Variants in CSMD3 observed in about 807,000 individuals in gnomAD.
CSMD3 encodes CUB and Sushi multiple domains 3.
Under a neutral mutation model 435.2 loss-of-function variants are expected in CSMD3, and 177 were observed. The ratio of observed to expected loss-of-function variants is 0.41; its 90% CI spans 0.36 to 0.46. CSMD3 has a LOEUF of 0.46. Among genes scored for constraint, CSMD3 ranks in the 20% least tolerant of loss-of-function variants. CSMD3 has a pLI of 0.34. For synonymous variants in CSMD3, 1,656 were observed against 1,520.5 expected, an observed-to-expected ratio of 1.09 and a Z score of -2.07; for missense variants, 4,265 against 4,504.6, an observed-to-expected ratio of 0.95 and a Z score of 1.52.
intron 13 of CSMD3, among the ~76,000 whole-genome samples, chr8:112,751,810 T>C (rs73340173): frequency 0.017 from 2,643 of 152,096 alleles, 75 homozygotes; most frequent in African/African-American, 0.06. Flanking sequence ...TATTTCTTTT[T>C]ATTATTATTA....
chr8:112,511,060 T>C (rs918570805), intron 28 of CSMD3, among the ~76,000 whole-genome samples: 8 of 152,132 alleles, frequency 5.3e-5, no homozygotes, highest in Non-Finnish European at 1.2e-4. Flanking sequence ...GTTAGGGATA[T>C]TGCAGTTTCA....
chr8:112,924,224 G>A (rs145016473), intron 9 of CSMD3, among the ~76,000 whole-genome samples: 1 of 152,150 alleles, frequency 6.6e-6, no homozygotes, highest in Non-Finnish European at 1.5e-5. Flanking sequence ...CAATTTAAGC[G>A]GCCAAAGATA....
chr8:112,233,182 A>C (rs1813256810), intron 68 of CSMD3, among the ~76,000 whole-genome samples: 1 of 152,188 alleles, frequency 6.6e-6, no homozygotes, highest in Non-Finnish European at 1.5e-5. Context: ...ATATATCCTG[A>C]AGTTTGTGTT....
chr8:112,445,310 G>A (rs558046635), intron 32 of CSMD3, among the ~76,000 whole-genome samples: 12 of 152,166 alleles, frequency 7.9e-5, no homozygotes, highest in African/African-American at 1.7e-4. Flanking sequence ...CTCCATTTTT[G>A]TTGCTATGAA....
intron 31 of CSMD3, among the ~76,000 whole-genome samples, chr8:112,490,402 C>T (rs758767612): frequency 1.3e-5 from 2 of 151,962 alleles, no homozygotes; most frequent in East Asian, 1.9e-4. Flanking sequence ...ATGGTTTTGG[C>T]TCAAAAGGAT....
At chr8:112,751,628 G>GGTTTT (rs1375084816) in intron 13 of CSMD3, among the ~76,000 whole-genome samples, 1 of 133,664 alleles carries the variant, frequency 7.5e-6, no homozygotes. Context: ...AGAAGTTTAG[G>GGTTTT]TTTTTTTTTT....
intron 30 of CSMD3, among the ~76,000 whole-genome samples, chr8:112,501,595 A>G (rs914330362): frequency 6.6e-6 from 1 of 152,188 alleles, no homozygotes; most frequent in Non-Finnish European, 1.5e-5. Context: ...TTGAGTTTAC[A>G]TTGGTACAGC....
rs1484906691 is a variant in CSMD3, at chr8:112,979,936, C to CAT, written c.1031-3790_1031-3789dup. Among the ~76,000 whole-genome samples, 11 of 151,020 alleles carry CAT rather than the reference C, an allele frequency of 7.3e-5. No individual in the cohort carries two copies. The East Asian group carries it at 2.1e-3, about 29-fold the overall frequency. On this transcript the variant is annotated intron_variant, in intron 6 of 70. Coordinates refer to ENST00000297405, the MANE Select transcript of CSMD3 (RefSeq NM_198123.2). ...ACAAAAATGAAATAAAAATGATTTA[C>CAT]ATATATAAACATGCTTCACTAAGTC...
Position 113,020,169 on chromosome 8 carries a change from C to CAA in CSMD3, c.918-992_918-991dup, listed in dbSNP as rs1163891165. ...TGGGCGACAGAGCGAGACTCCGTCTCAAAAAAAAAAAAAAAAAAAAAAGAA... is the reference window on the plus strand; with the variant it reads ...TGGGCGACAGAGCGAGACTCCGTCTCAAAAAAAAAAAAAAAAAAAAAAAAGAA... On this transcript the variant is annotated intron_variant, in intron 5 of 70. Coordinates refer to ENST00000297405, the MANE Select transcript of CSMD3 (RefSeq NM_198123.2). Among the ~76,000 whole-genome samples the CAA allele has an allele frequency of 5.7e-3, 476 of 84,218 alleles. 3 individuals carry two copies. The highest frequency in any genetic ancestry group is 0.014 in the African/African-American group (314 of 22,232). The allele number at this position is 84,218 out of a possible 152,430, so 55.3% of individuals were successfully genotyped here.
chr8:112,812,206 T>C (rs2079246712), intron 12 of CSMD3, among the ~76,000 whole-genome samples: 1 of 152,080 alleles, frequency 6.6e-6, no homozygotes, highest in Non-Finnish European at 1.5e-5. Flanking sequence ...TGATAAGATC[T>C]CAGGAGTTGG....
chr8:112,424,100 T>C (rs1812805302), intron 32 of CSMD3, among the ~76,000 whole-genome samples: 2 of 152,262 alleles, frequency 1.3e-5, no homozygotes, highest in South Asian at 4.1e-4. Context: ...GGAAAATGGT[T>C]GAAAATTAAT....
chr8:112,474,842 T>C (rs900225702), intron 31 of CSMD3, among the ~76,000 whole-genome samples: 3 of 152,210 alleles, frequency 2.0e-5, no homozygotes, highest in African/African-American at 4.8e-5. Context: ...TTTTCTTTAA[T>C]GTTCTATAAA....
At chr8:112,478,438 A>T (rs1404680754) in intron 31 of CSMD3, among the ~76,000 whole-genome samples, 2 of 152,198 alleles carry the variant, frequency 1.3e-5, no homozygotes, top group African/African-American at 4.8e-5. Context: ...AAGGTCTCCG[A>T]TGGAAATGAG....
intron 5 of CSMD3, among the ~76,000 whole-genome samples, chr8:113,058,644 G>A (rs1440613527): frequency 1.3e-5 from 2 of 151,542 alleles, no homozygotes; most frequent in Non-Finnish European, 3.0e-5. Context: ...GTAACATGGG[G>A]GTACTTATAT....
At chr8:112,400,847 T>A (rs1283725305) in intron 35 of CSMD3, among the ~76,000 whole-genome samples, 1 of 152,164 alleles carries the variant, frequency 6.6e-6, no homozygotes, top group East Asian at 1.9e-4. Context: ...ACAAAAACAC[T>A]TTGCAATAAT....
chr8:112,353,715 CTACCAAG>C (rs1306605916), intron 38 of CSMD3, among the ~76,000 whole-genome samples: 3 of 151,864 alleles, frequency 2.0e-5, no homozygotes, highest in African/African-American at 7.3e-5. Flanking sequence ...AGAAAAAAAC[CTACCAAG>C]AATAAAAACA....
intron 30 of CSMD3, among the ~76,000 whole-genome samples, chr8:112,498,481 A>G (rs1821599470): frequency 6.6e-6 from 1 of 152,132 alleles, no homozygotes; most frequent in Non-Finnish European, 1.5e-5. Flanking sequence ...TTGCTTAACT[A>G]CTAGGCTTTA....
At chr8:113,313,963 A>G (rs1011352889) in intron 2 of CSMD3, 8 of 152,158 alleles carry the variant, frequency 5.3e-5, no homozygotes, top group African/African-American at 1.9e-4. Flanking sequence ...CTGAAGAACC[A>G]GAAGAACTAC....
intron 45 of CSMD3, among the ~76,000 whole-genome samples, chr8:112,324,709 T>C (rs1823331479): frequency 6.6e-6 from 1 of 152,030 alleles, no homozygotes; most frequent in Non-Finnish European, 1.5e-5. Context: ...CAGGATTTCA[T>C]TTATTTTAAG....
Sources: allele counts gnomAD v4.1 joint callset (sites outside exome capture counted in the v4.1 genomes callset), GRCh38; gene constraint gnomAD v4.1.1; transcripts MANE v1.5; gene names NCBI Gene and HGNC (gene_info 2026-07-23, HGNC 2026-07-21).